Variants in LRRC49 observed in about 807,000 individuals in gnomAD.
LRRC49 encodes the protein leucine-rich repeat-containing protein 49.
In LRRC49, 50 loss-of-function variants were observed where a neutral mutation model predicts 83.3. The ratio of observed to expected loss-of-function variants is 0.60; its 90% CI spans 0.48 to 0.76. The LOEUF is 0.76. Among genes scored for constraint, LRRC49 ranks in the 30% least tolerant of loss-of-function variants. The pLI, the probability that LRRC49 is intolerant of heterozygous loss-of-function variation, is 0.00. For synonymous variants in LRRC49, 286 were observed against 283.3 expected (o/e 1.01, Z -0.10); for missense variants, 704 against 809.1 (o/e 0.87, Z 1.58).
intron 15 of LRRC49, among the ~76,000 whole-genome samples, chr15:71,040,619 A>G (rs2039669175): frequency 6.6e-6 from 1 of 152,044 alleles, no homozygotes; most frequent in African/African-American, 2.4e-5. Flanking sequence ...GGAGATCGAG[A>G]CCATCCTGGC....
chr15:70,914,918 G>T lies in LRRC49; in HGVS notation c.567+3320G>T, dbSNP rs2034701877. Among the ~76,000 whole-genome samples, 3 of 152,164 alleles carry T rather than the reference G, an allele frequency of 2.0e-5. No homozygotes were observed. In the South Asian group the frequency reaches 6.2e-4, roughly 32 times the overall value. Reference sequence around the variant, plus strand: ...ATCTAGGTTACTCTCATACACAAAGGTTAAGACTGGAGTATCCAGCTTTCC... The same window carrying T: ...ATCTAGGTTACTCTCATACACAAAGTTTAAGACTGGAGTATCCAGCTTTCC... On this transcript the variant is annotated intron_variant, in intron 6 of 15. Coordinates refer to ENST00000260382, the MANE Select transcript of LRRC49 (RefSeq NM_017691.5).
chr15:71,020,334 AAGTG>A (rs1171658911), intron 14 of LRRC49, among the ~76,000 whole-genome samples: 1 of 152,192 alleles, frequency 6.6e-6, no homozygotes, highest in Non-Finnish European at 1.5e-5. Context: ...TTGGAGGATA[AAGTG>A]AGTTGGGAGG....
intron 14 of LRRC49, among the ~76,000 whole-genome samples, chr15:71,035,307 G>A (rs914299216): frequency 8.2e-4 from 125 of 151,980 alleles, no homozygotes; most frequent in African/African-American, 2.8e-3. Context: ...AGTTTGCAAC[G>A]AAATATGTCA....
intron 11 of LRRC49, among the ~76,000 whole-genome samples, chr15:70,986,281 C>G (rs1310477754): frequency 6.6e-6 from 1 of 152,148 alleles, no homozygotes; most frequent in Non-Finnish European, 1.5e-5. Flanking sequence ...GAATGTTCTT[C>G]TATTTGTTTG....
At chr15:70,859,382 C>T in intron 1 of LRRC49, 2 of 764,012 alleles carry the variant, frequency 2.6e-6, no homozygotes, top group Admixed American at 1.7e-5. Flanking sequence ...GATGGACTTC[C>T]TCAGGCAGCT....
intron 6 of LRRC49, among the ~76,000 whole-genome samples, chr15:70,913,387 A>G (rs977592346): frequency 2.0e-5 from 3 of 152,230 alleles, no homozygotes; most frequent in African/African-American, 7.2e-5. Flanking sequence ...CTGTGTGTGC[A>G]TGTAGTAAGT....
At chr15:71,023,889 G>A (rs1301835155) in intron 14 of LRRC49, among the ~76,000 whole-genome samples, 1 of 152,174 alleles carries the variant, frequency 6.6e-6, no homozygotes, top group African/African-American at 2.4e-5. Flanking sequence ...TTGAGGGAGG[G>A]ACAGAGGCCA....
chr15:70,946,611 A>G (rs910326507), intron 8 of LRRC49, among the ~76,000 whole-genome samples: 7 of 152,144 alleles, frequency 4.6e-5, no homozygotes, highest in African/African-American at 1.7e-4. Context: ...ATACCTGGAA[A>G]TGGGATTGCT....
rs570163503 is a variant in LRRC49, at chr15:70,902,891, G to GT, written c.297-1660dup. 5.4e-4 allele frequency among the ~76,000 whole-genome samples: 82 copies of GT among 152,308 alleles called. 2 individuals carry two copies. The South Asian group carries it at 0.017, about 31-fold the overall frequency. On this transcript the variant is annotated intron_variant, in intron 4 of 15. Transcript: ENST00000260382. Reference sequence around the variant, plus strand: ...AGGGCAGTGGGTCTCTAGTTATTATGTATGTTTGCTTGCTTGTTTTGTTGG... The same window carrying GT: ...AGGGCAGTGGGTCTCTAGTTATTATGTTATGTTTGCTTGCTTGTTTTGTTGG...
In LRRC49 at chr15:70,895,948, G is replaced by T. The variant is rs1338363046; in HGVS notation, c.193+12G>T. The T allele has an allele frequency of 6.7e-7, 1 of 1,492,976 alleles. No individual in the cohort carries two copies. 92.5% of individuals were successfully genotyped at this position (1,492,976 alleles called of 1,614,324 possible). A position where few individuals can be genotyped will look rare whatever the true frequency, so the allele number is the denominator to read the frequency against. On this transcript the variant is annotated intron_variant, in intron 3 of 15. Transcript: ENST00000260382. The stretch of plus-strand genomic sequence containing the variant: ...CTCAAGTAGGCAAGGTATTGTCAGT[G>T]AATAGAGATCAGATGTGGTTCATCA...
intron 5 of LRRC49, 51 bp from the exon 6 acceptor site, chr15:70,911,481 C>T: frequency 9.9e-7 from 1 of 1,013,472 alleles, no homozygotes; most frequent in Non-Finnish European, 1.5e-6. Context: ...CTTTGATTTA[C>T]AGATAGATGT....
intron 8 of LRRC49, among the ~76,000 whole-genome samples, chr15:70,950,306 A>G (rs189331147): frequency 3.9e-5 from 6 of 152,278 alleles, no homozygotes; most frequent in African/African-American, 1.4e-4. Flanking sequence ...TCATTTGGAT[A>G]TATACCCAAT....
intron 12 of LRRC49, 27 bp from the exon 13 acceptor site, chr15:71,009,780 A>C (rs747198808): frequency 3.4e-6 from 5 of 1,492,348 alleles, no homozygotes; most frequent in Non-Finnish European, 4.6e-6. Flanking sequence ...CAATGTTCTG[A>C]TCTGTATTTG....
chr15:70,950,647 T>C (rs1429174294), intron 8 of LRRC49, among the ~76,000 whole-genome samples: 1 of 152,216 alleles, frequency 6.6e-6, no homozygotes, highest in Non-Finnish European at 1.5e-5. Context: ...TTTTTATAAA[T>C]TCTGGATATT....
At chr15:70,981,347 G>T (rs2037389969) in intron 10 of LRRC49, among the ~76,000 whole-genome samples, 1 of 146,324 alleles carries the variant, frequency 6.8e-6, no homozygotes, top group Non-Finnish European at 1.5e-5. Flanking sequence ...CCTGTTGGAG[G>T]GTGGGGGGGC....
At chr15:70,905,255 A>C (rs2034257408) in intron 5 of LRRC49, among the ~76,000 whole-genome samples, 1 of 152,240 alleles carries the variant, frequency 6.6e-6, no homozygotes, top group Non-Finnish European at 1.5e-5. Flanking sequence ...TAGTGCAACT[A>C]TACAGTTCTT....
At chr15:70,891,860 T>C, upstream of LRRC49, 1 of 1,599,860 alleles carries the variant, frequency 6.3e-7, no homozygotes, top group South Asian at 1.1e-5. Context: ...AGCTGCAGCC[T>C]GCTTCCCAGC....
chr15:70,885,468 C>A (rs940408441), intron 2 of LRRC49, among the ~76,000 whole-genome samples: 2 of 152,042 alleles, frequency 1.3e-5, no homozygotes, highest in African/African-American at 4.8e-5. Context: ...AAGAGAAAAA[C>A]TTAATAGCAG....
At chr15:70,921,938 T>C (rs1235513797) in intron 7 of LRRC49, among the ~76,000 whole-genome samples, 4 of 152,220 alleles carry the variant, frequency 2.6e-5, no homozygotes, top group Non-Finnish European at 2.9e-5. Context: ...TGAAATTTTA[T>C]AAATTTCAAA....
Sources: gnomAD v4.1 joint callset for allele counts (sites outside exome capture counted in the v4.1 genomes callset) on GRCh38, gnomAD v4.1.1 for gene constraint, MANE v1.5 for transcripts, NCBI Gene and HGNC (gene_info 2026-07-23, HGNC 2026-07-21) for gene names.